Variants in COL10A1 observed in about 807,000 individuals in gnomAD.
COL10A1 encodes collagen type X alpha 1 chain.
A neutral mutation model predicts 18.2 loss-of-function variants in COL10A1; 10 were observed. The ratio of observed to expected loss-of-function variants is 0.55; its 90% CI spans 0.34 to 0.93. The LOEUF (loss-of-function observed/expected upper bound fraction) is 0.93, where lower values mean the gene tolerates loss of function less well. Among genes scored for constraint, COL10A1 ranks in the 40% least tolerant of loss-of-function variants. The probability of loss-of-function intolerance (pLI) is 0.02; values close to 1 mark genes in which losing one functional copy is unlikely to be tolerated. For missense variants in COL10A1, 897 were observed against 853.5 expected, an observed-to-expected ratio of 1.05 and a Z score of -0.64; for synonymous variants, 330 against 316.6, an observed-to-expected ratio of 1.04 and a Z score of -0.45.
intron 1 of COL10A1, among the ~76,000 whole-genome samples, chr6:116,144,714 A>G (rs1198261945): frequency 1.3e-5 from 2 of 152,234 alleles, no homozygotes; most frequent in Non-Finnish European, 2.9e-5. Flanking sequence ...ACTTCACACC[A>G]GTAACATGTT....
Position 116,120,735 on chromosome 6 carries a change from C to A in COL10A1, c.1381G>T (p.Gly461Ter), listed in dbSNP as rs747068252. The A allele has an allele frequency of 1.3e-6, 2 of 1,590,526 alleles. No individual in the cohort carries two copies. The highest frequency in any genetic ancestry group is 1.7e-6 in the Non-Finnish European group (2 of 1,170,770). Residue 461 changes from glycine (G) to a stop codon, truncating the protein, a stop_gained, in exon 3 of 3, where the codon GGA (glycine) becomes TGA (stop). Transcript: ENST00000651968. LOFTEE classifies it low-confidence loss of function (END_TRUNC). ...RGPIGPPGIP[G>*]FPGSKGDPGS... Reference sequence around the variant, plus strand: ...GGATCCCCTTTAGACCCAGGGAATCCTGGAATGCCTGGTGGCCCAATAGGG... The same window carrying A: ...GGATCCCCTTTAGACCCAGGGAATCATGGAATGCCTGGTGGCCCAATAGGG...
chr6:116,153,329 C>A (rs1386925441), intron 1 of COL10A1, among the ~76,000 whole-genome samples: 1 of 114,840 alleles, frequency 8.7e-6, no homozygotes, highest in Non-Finnish European at 1.8e-5. Flanking sequence ...CCATAAACAT[C>A]AGCTCTAAAA....
At chr6:116,180,190 T>C in the COL10A1 span, among the ~76,000 whole-genome samples, 1 of 152,072 alleles carries the variant, frequency 6.6e-6, no homozygotes, top group Non-Finnish European at 1.5e-5. Context: ...AAAAGATTCA[T>C]TTTATTTAAA....
chr6:116,155,437 G>A (rs3763232), intron 1 of COL10A1, among the ~76,000 whole-genome samples: 5,852 of 152,196 alleles, frequency 0.038, 175 homozygotes, highest in African/African-American at 0.08. Context: ...GGGTGCTCTA[G>A]AGGACCATTG....
rs761352052 is a variant in COL10A1, at chr6:116,135,417, C to G, written c.-15-9910G>C. Among the ~76,000 whole-genome samples, 6 of 151,916 alleles carry G rather than the reference C, an allele frequency of 3.9e-5. No homozygotes were observed. The East Asian group carries it at 7.8e-4, about 20-fold the overall frequency. Reference sequence around the variant, plus strand: ...TTCTGTAGCATCCATAACCGCCCCCCCCACCTTTTTATTTAACAACTCCAT... The same window carrying G: ...TTCTGTAGCATCCATAACCGCCCCCGCCACCTTTTTATTTAACAACTCCAT... On this transcript the variant is annotated intron_variant, in intron 1 of 1. Coordinates refer to the COL10A1 transcript ENST00000418500.
the COL10A1 span, among the ~76,000 whole-genome samples, chr6:116,185,041 G>A: frequency 6.6e-6 from 1 of 151,864 alleles, no homozygotes; most frequent in Non-Finnish European, 1.5e-5. Context: ...GCTGTATTCT[G>A]GAGGTTTTGA....
At chr6:116,126,489 G>A (rs1269568620), upstream of COL10A1, among the ~76,000 whole-genome samples, 4 of 151,988 alleles carry the variant, frequency 2.6e-5, no homozygotes, top group Non-Finnish European at 5.9e-5. Context: ...TATAATATGT[G>A]GTAGTACATA....
At position 116,120,796 on chromosome 6, in the gene COL10A1, G is replaced by A; in HGVS notation, c.1320C>T (p.Gly440=). ...CTGGTATTCCAGGGGCACCTCTTGG[G>A]CCAGCCTCTCCATTGTGTCCGGGCA... ...KGMPGHNGEA[G]PRGAPGIPGT... Residue 440 remains glycine, a synonymous_variant, in exon 3 of 3, where the codon GGC becomes GGT. Coordinates refer to ENST00000651968, the MANE Select transcript of COL10A1 (RefSeq NM_000493.4). 4 of 1,612,576 alleles carry A rather than the reference G, an allele frequency of 2.5e-6. No individual in the cohort carries two copies. Among genetic ancestry groups the A allele is most frequent in the Non-Finnish European group, 3.4e-6 (4 of 1,179,716 alleles).
chr6:116,129,969 C>T (rs1456941675), upstream of COL10A1, among the ~76,000 whole-genome samples: 1 of 152,030 alleles, frequency 6.6e-6, no homozygotes, highest in African/African-American at 2.4e-5. Flanking sequence ...TGGCAAGAAC[C>T]CTTTACAGAG....
At chr6:116,153,483 G>A (rs546086875) in intron 1 of COL10A1, among the ~76,000 whole-genome samples, 4 of 152,104 alleles carry the variant, frequency 2.6e-5, no homozygotes, top group African/African-American at 9.6e-5. Context: ...AAGATAATAT[G>A]CCATTTATTC....
At chr6:116,137,075 C>A in intron 1 of COL10A1, 1 of 212,222 alleles carries the variant, frequency 4.7e-6, no homozygotes, top group South Asian at 9.3e-5. Flanking sequence ...ACCGTCTCTT[C>A]ATGCCACACA....
the COL10A1 span, among the ~76,000 whole-genome samples, chr6:116,179,347 T>C: frequency 1.3e-5 from 2 of 152,154 alleles, no homozygotes; most frequent in Non-Finnish European, 2.9e-5. Flanking sequence ...GTTAATACTT[T>C]CTTCAGAGAA....
At chr6:116,181,803 A>T in the COL10A1 span, among the ~76,000 whole-genome samples, 1 of 152,138 alleles carries the variant, frequency 6.6e-6, no homozygotes, top group Non-Finnish European at 1.5e-5. Context: ...GGAAGACAGT[A>T]TTTTAAAGGT....
rs1245643162 is a variant in COL10A1, at chr6:116,121,228, A to G, written c.888T>C (p.Pro296=). ...APGIAGPPGP[P]GFGKPGLPGL... is the part of the protein sequence containing the mutation. Reference sequence around the variant, plus strand: ...CTGGCAAGCCTGGTTTCCCAAAGCCAGGAGGCCCTGGGGGCCCAGCTATTC... The same window carrying G: ...CTGGCAAGCCTGGTTTCCCAAAGCCGGGAGGCCCTGGGGGCCCAGCTATTC... Residue 296 remains proline, a synonymous_variant, in exon 3 of 3, where the codon CCT becomes CCC. Transcript: ENST00000651968. The G allele has an allele frequency of 2.5e-6, 4 of 1,613,412 alleles. No individual in the cohort carries two copies. The highest frequency in any genetic ancestry group is 2.5e-6 in the Non-Finnish European group (3 of 1,179,792).
chr6:116,132,493 C>CT (rs1208886763), intron 1 of COL10A1, among the ~76,000 whole-genome samples: 2 of 151,272 alleles, frequency 1.3e-5, no homozygotes, highest in Admixed American at 6.6e-5. Flanking sequence ...TCATGTAAAA[C>CT]TTTCTTTTAA....
chr6:116,156,843 AC>A (rs1268359957), intron 1 of COL10A1, among the ~76,000 whole-genome samples: 1 of 152,010 alleles, frequency 6.6e-6, no homozygotes, highest in Non-Finnish European at 1.5e-5. Flanking sequence ...TCCCCAGGCC[AC>A]CCCACGGCCC....
chr6:116,172,844 T>G, the COL10A1 span, among the ~76,000 whole-genome samples: 1 of 152,198 alleles, frequency 6.6e-6, no homozygotes, highest in Admixed American at 6.5e-5. Flanking sequence ...TCTACTCTCC[T>G]TGTTTTTATT....
rs188598435 is a variant in COL10A1, at chr6:116,121,370, G to T, written c.746C>A (p.Pro249Gln). The stretch of plus-strand genomic sequence containing the variant: ...TTCCCCAGGAGGGCCTTGGGGACCT[G>T]GTGGGCCAATTGGTCCCATTTCTCC... ...FPGEMGPIGP[P>Q]GPQGPPGERG... The change falls in exon 3 of 3, where the codon CCA (proline) becomes CAA (glutamine). Residue 249 changes from proline to glutamine, a missense_variant. By Grantham distance (76) the Pro-to-Gln change is moderately conservative. Transcript: ENST00000651968. 1 of 1,614,124 alleles carries T rather than the reference G, an allele frequency of 6.2e-7. No individual in the cohort carries two copies. The highest frequency in any genetic ancestry group is 8.5e-7 in the Non-Finnish European group (1 of 1,179,996).
At chr6:116,128,875 A>G (rs185751172), upstream of COL10A1, among the ~76,000 whole-genome samples, 25 of 152,302 alleles carry the variant, frequency 1.6e-4, no homozygotes, top group Admixed American at 2.0e-4. Context: ...CCTTGTTAAT[A>G]TTAGTTACAT....
Sources: allele counts gnomAD v4.1 joint callset (sites outside exome capture counted in the v4.1 genomes callset), GRCh38; gene constraint gnomAD v4.1.1; transcripts MANE v1.5; gene names NCBI Gene and HGNC (gene_info 2026-07-23, HGNC 2026-07-21).